MASTL: variants seen among roughly 807,000 people sequenced by gnomAD.
MASTL encodes the protein microtubule associated serine/threonine kinase like, also known as serine/threonine-protein kinase greatwall.
A neutral mutation model predicts 82.5 loss-of-function variants in MASTL; 54 were observed. That is an observed-to-expected ratio of 0.65 (90% CI 0.53 to 0.82). The LOEUF is 0.82. MASTL is among the 40% of genes least tolerant of loss of function. The pLI is 0.00. For missense variants in MASTL, 950 were observed against 1,047.8 expected (o/e 0.91, Z 1.29); for synonymous variants, 323 against 368.9 (o/e 0.88, Z 1.43).
rs906079867 is a variant in MASTL, at chr10:27,187,254, C to A, written c.*718C>A. 6.6e-6 allele frequency among the ~76,000 whole-genome samples: 1 copy of A among 151,950 alleles called. No homozygotes were observed. Among genetic ancestry groups the A allele is most frequent in the East Asian group, 1.9e-4 (1 of 5,132 alleles). On this transcript the variant is annotated 3_prime_UTR_variant, in exon 12 of 12. Transcript: ENST00000375940. ...GGAGGAGGTTGTGGTGAGCCAAGAT[C>A]GTGCCACTGCACTCCAGCCTGGGCA...
At chr10:27,155,251 T>C (rs1016782107), upstream of MASTL, 2 of 655,284 alleles carry the variant, frequency 3.1e-6, no homozygotes, top group Non-Finnish European at 5.2e-6. Flanking sequence ...GTCGGGGCTT[T>C]CCCGACGCCC....
At chr10:27,174,513 A>C (rs996213386) in intron 9 of MASTL, among the ~76,000 whole-genome samples, 10 of 152,124 alleles carry the variant, frequency 6.6e-5, no homozygotes, top group African/African-American at 2.4e-4. Context: ...ACCAATAAAA[A>C]TTCATTGTTT....
intron 9 of MASTL, among the ~76,000 whole-genome samples, chr10:27,173,802 C>G (rs2058023361): frequency 6.6e-6 from 1 of 151,876 alleles, no homozygotes; most frequent in South Asian, 2.1e-4. Context: ...TGGTCTTTAA[C>G]TCCTGACCTC....
rs369370689 is a variant in MASTL at position 27,162,487 on chromosome 10, G to A, written c.553+1305G>A. Among the ~76,000 whole-genome samples, 33 of 152,246 alleles carry A rather than the reference G, an allele frequency of 2.2e-4. 1 individual carries two copies. In the East Asian group the frequency reaches 4.8e-3, roughly 22 times the overall value. On this transcript the variant is annotated intron_variant, in intron 4 of 11. Coordinates refer to ENST00000375940, the MANE Select transcript of MASTL (RefSeq NM_001172303.3). ...AGTTCTAGACTAGCCTGGCCAACCT[G>A]ATGAAACCCCATCTCTACTAAAAAT... is the stretch of plus-strand genomic sequence containing the variant.
At chr10:27,169,549 G>A (rs1292130133) in intron 7 of MASTL, among the ~76,000 whole-genome samples, 2 of 147,768 alleles carry the variant, frequency 1.4e-5, no homozygotes, top group African/African-American at 2.5e-5. Flanking sequence ...CAGCCTGGAC[G>A]ACAGCAAGAC....
chr10:27,173,289 GT>G, intron 9 of MASTL, 30 bp downstream of exon 9: 2 of 1,613,570 alleles, frequency 1.2e-6, no homozygotes, highest in Non-Finnish European at 8.5e-7. Context: ...AGTTTTTGAA[GT>G]GTTATCTATC....
At chr10:27,156,645 G>C (rs11015575) in intron 1 of MASTL, among the ~76,000 whole-genome samples, 75,545 of 148,950 alleles carry the variant, frequency 0.51, 21,564 homozygotes, top group Non-Finnish European at 0.65. Flanking sequence ...GATTACAGGC[G>C]CGCGCCACCA....
chr10:27,166,951 G>C (rs987743108), intron 6 of MASTL, 151 bp from the exon 7 acceptor site: 4 of 683,760 alleles, frequency 5.9e-6, no homozygotes, highest in Non-Finnish European at 1.0e-5. Context: ...GGACTAGATA[G>C]TGTTTACAAA....
Position 27,170,604 on chromosome 10 carries a change from T to A in MASTL, c.1645T>A (p.Leu549Ile). The A allele has an allele frequency of 6.2e-7, 1 of 1,608,476 alleles. No homozygotes were observed. The highest frequency in any genetic ancestry group is 8.5e-7 in the Non-Finnish European group (1 of 1,177,906). Reference sequence around the variant, plus strand: ...TGAAAAGAATAGTAAGAGGGACTACTTAAGTTCTAGTTTTCTATGTTCTGA... The same window carrying A: ...TGAAAAGAATAGTAAGAGGGACTACATAAGTTCTAGTTTTCTATGTTCTGA... ...DCEKNSKRDY[L>I]SSSFLCSDDD... Residue 549 changes from leucine (L) to isoleucine (I), a missense_variant, in exon 8 of 12, where the codon TTA (leucine) becomes ATA (isoleucine). Coordinates refer to ENST00000375940, the MANE Select transcript of MASTL (RefSeq NM_001172303.3).
Position 27,171,042 on chromosome 10 carries a change from A to G in MASTL, c.2083A>G (p.Ile695Val). Residue 695 changes from isoleucine to valine, a missense_variant, in exon 8 of 12, where the codon ATA (isoleucine) becomes GTA (valine). Coordinates refer to ENST00000375940, the MANE Select transcript of MASTL (RefSeq NM_001172303.3). ...CAYSGSYPMA[I>V]TPTQKRRSCM... is the part of the protein sequence containing the mutation. The stretch of plus-strand genomic sequence containing the variant: ...CTACAGTGGTTCATATCCCATGGCT[A>G]TAACCCCTACTCAAAAAAGAAGATC... 2 of 1,614,114 alleles carry G rather than the reference A, an allele frequency of 1.2e-6. No individual in the cohort carries two copies. Among genetic ancestry groups the G allele is most frequent in the Non-Finnish European group, 1.7e-6 (2 of 1,179,972 alleles).
At chr10:27,163,665 C>G (rs747919404) in intron 4 of MASTL, among the ~76,000 whole-genome samples, 2 of 151,080 alleles carry the variant, frequency 1.3e-5, no homozygotes, top group East Asian at 3.9e-4. Context: ...CTTTGTTGCC[C>G]GGGCTGGAGT....
intron 4 of MASTL, among the ~76,000 whole-genome samples, chr10:27,161,558 G>T (rs1018194609): frequency 6.7e-6 from 1 of 148,810 alleles, no homozygotes; most frequent in African/African-American, 2.5e-5. Context: ...TAAAAAAAAT[G>T]AAAAGTCTAA....
intron 9 of MASTL, among the ~76,000 whole-genome samples, chr10:27,178,430 C>A (rs1359025487): frequency 6.7e-6 from 1 of 149,876 alleles, no homozygotes; most frequent in Non-Finnish European, 1.5e-5. Context: ...TACAGAAGGG[C>A]TCTAATTTTC....
At chr10:27,171,157 T>C in intron 8 of MASTL, 74 bp downstream of exon 8, 5 of 1,272,920 alleles carry the variant, frequency 3.9e-6, no homozygotes, top group Non-Finnish European at 4.6e-6. Flanking sequence ...GCCTCTAAGC[T>C]AGACTATGCG....
Position 27,159,017 on chromosome 10 carries a change from TAAG to T in MASTL, c.324+332_324+334del, listed in dbSNP as rs1267392321. Among the ~76,000 whole-genome samples the T allele has an allele frequency of 6.6e-6, 1 of 152,114 alleles. No homozygotes were observed. The highest frequency in any genetic ancestry group is 1.5e-5 in the Non-Finnish European group (1 of 68,014). On this transcript the variant is annotated intron_variant, in intron 2 of 11. Coordinates refer to ENST00000375940, the MANE Select transcript of MASTL (RefSeq NM_001172303.3). This position sits in a 1 kb window ranked among gnomAD's most constrained non-coding sequence, Gnocchi z 4.0. The stretch of plus-strand genomic sequence containing the variant: ...GAGTTCAAGACCAACTTGGGGAACA[TAAG>T]GAGACTCCATCTCTACAAAAAAATT...
chr10:27,155,589 G>A lies in MASTL; in HGVS notation c.163G>A (p.Gly55Ser), dbSNP rs1157412683. Residue 55 changes from glycine (G) to serine (S), a missense_variant, in exon 1 of 12, where the codon GGC (glycine) becomes AGC (serine). Physicochemically the swap from Gly to Ser is moderately conservative, Grantham distance 56. Coordinates refer to ENST00000375940, the MANE Select transcript of MASTL (RefSeq NM_001172303.3). Reference protein sequence around the residue: ...AFGKVYLGQKGGKLYAVKVVK... With the variant: ...AFGKVYLGQKSGKLYAVKVVK... ...CGGGAAAGTGTATCTGGGGCAGAAAGGCGGCAAATTGTATGCAGTAAAGGT... is the reference window on the plus strand; with the variant it reads ...CGGGAAAGTGTATCTGGGGCAGAAAAGCGGCAAATTGTATGCAGTAAAGGT... 1.2e-6 allele frequency: 2 copies of A among 1,614,124 alleles called. No individual in the cohort carries two copies. The highest frequency in any genetic ancestry group is 1.7e-6 in the Non-Finnish European group (2 of 1,180,038).
chr10:27,158,827 T>C (rs1381905177), intron 2 of MASTL, 141 bp downstream of exon 2: 10 of 844,338 alleles, frequency 1.2e-5, no homozygotes, highest in African/African-American at 3.4e-5. Flanking sequence ...TTACCTGTTA[T>C]ATTAGTTAGA....
At chr10:27,155,678 T>C (rs1355999404) in intron 1 of MASTL, 66 bp downstream of exon 1, 2 of 1,584,394 alleles carry the variant, frequency 1.3e-6, no homozygotes, top group Non-Finnish European at 1.7e-6. Context: ...CCCCACCGGC[T>C]TGGGCAGGCC....
chr10:27,182,503 T>C (rs2058378536), intron 11 of MASTL, among the ~76,000 whole-genome samples: 3 of 152,004 alleles, frequency 2.0e-5, no homozygotes, highest in Admixed American at 1.3e-4. Flanking sequence ...TCCAAGCACT[T>C]TGGGAGGCTG....
Sources: allele counts gnomAD v4.1 joint callset (sites outside exome capture counted in the v4.1 genomes callset), GRCh38; gene constraint gnomAD v4.1.1; non-coding constraint Gnocchi (gnomAD v3.1); transcripts MANE v1.5; gene names NCBI Gene and HGNC (gene_info 2026-07-23, HGNC 2026-07-21).